MTMR7: variants seen among roughly 807,000 people sequenced by gnomAD.
MTMR7 encodes the protein myotubularin related protein 7, also known as phosphatidylinositol-3-phosphate phosphatase MTMR7.
MTMR7 carries 76 observed loss-of-function variants against 81.2 expected under a neutral mutation model. The ratio of observed to expected loss-of-function variants is 0.94; its 90% CI spans 0.78 to 1.13. MTMR7 has a LOEUF of 1.13. MTMR7 is among the 50% of genes most tolerant of loss of function. The pLI, the probability that MTMR7 is intolerant of heterozygous loss-of-function variation, is 0.00. For missense variants in MTMR7, 1,044 were observed against 820.0 expected (o/e 1.27, Z -3.34); for synonymous variants, 372 against 289.8 (o/e 1.28, Z -2.88).
intron 3 of MTMR7, 70 bp downstream of exon 3, chr8:17,370,966 CA>C (rs1820399803): frequency 1.0e-5 from 15 of 1,500,416 alleles, no homozygotes; most frequent in Non-Finnish European, 1.3e-5. Flanking sequence ...AAGCACCATA[CA>C]AATTCTTGAA....
At chr8:17,377,192 G>C (rs1229839116) in intron 1 of MTMR7, among the ~76,000 whole-genome samples, 1 of 152,002 alleles carries the variant, frequency 6.6e-6, no homozygotes, top group African/African-American at 2.4e-5. Context: ...GTATTTATTA[G>C]TTGAAACAAG....
intron 5 of MTMR7, among the ~76,000 whole-genome samples, chr8:17,347,742 G>C (rs1012046559): frequency 6.6e-6 from 1 of 152,054 alleles, no homozygotes; most frequent in African/African-American, 2.4e-5. Context: ...CCTATCCTCC[G>C]CAGAAATGGA....
Position 17,371,202 on chromosome 8 carries a change from A to G in MTMR7, c.148-3T>C. 1 of 1,613,880 alleles carries G rather than the reference A, an allele frequency of 6.2e-7. No individual in the cohort carries two copies. The highest frequency in any genetic ancestry group is 1.7e-5 in the Admixed American group (1 of 60,016). On this transcript the variant is annotated splice_polypyrimidine_tract_variant and splice_region_variant and intron_variant, in intron 2 of 13. Transcript: ENST00000180173. ...GTGGAAATCTGACTGTGAAGAATCTAGAACCAAATGTTAATGTGCATAAGC... is the reference window on the plus strand; with the variant it reads ...GTGGAAATCTGACTGTGAAGAATCTGGAACCAAATGTTAATGTGCATAAGC...
intron 1 of MTMR7, among the ~76,000 whole-genome samples, chr8:17,378,729 C>G (rs767906770): frequency 1.3e-5 from 2 of 152,146 alleles, no homozygotes; most frequent in Non-Finnish European, 2.9e-5. Flanking sequence ...TTTTTACATT[C>G]TGGTATTTCT....
chr8:17,400,767 A>G (rs111436040), intron 1 of MTMR7, among the ~76,000 whole-genome samples: 98 of 150,148 alleles, frequency 6.5e-4, no homozygotes, highest in African/African-American at 2.3e-3. Flanking sequence ...GGCTGATAAG[A>G]TAAGTTTGCT....
At chr8:17,365,644 T>C (rs181534800) in intron 3 of MTMR7, among the ~76,000 whole-genome samples, 233 of 152,224 alleles carry the variant, frequency 1.5e-3, no homozygotes, top group Middle Eastern at 6.8e-3. Flanking sequence ...GCTCCTCCAA[T>C]AAGAAGCAAA....
intron 1 of MTMR7, among the ~76,000 whole-genome samples, chr8:17,397,278 C>G (rs568097340): frequency 6.6e-6 from 1 of 152,250 alleles, no homozygotes; most frequent in Non-Finnish European, 1.5e-5. Context: ...CTTGGGGTCC[C>G]TGATTCCAGG....
Position 17,309,346 on chromosome 8 carries a change from A to T in MTMR7, c.1102-20T>A, listed in dbSNP as rs1281669971. The T allele has an allele frequency of 1.3e-6, 2 of 1,516,200 alleles. No homozygotes were observed. The highest frequency in any genetic ancestry group is 1.8e-6 in the Non-Finnish European group (2 of 1,096,096). The allele number at this position is 1,516,200 out of a possible 1,614,324, so 93.9% of individuals were successfully genotyped here. On this transcript the variant is annotated intron_variant, in intron 9 of 13. Transcript: ENST00000180173. ...TAATACCTACACAAGAAAGAATACA[A>T]ATATCTTGGAGAGAAGCAAACGAAA...
intron 12 of MTMR7, among the ~76,000 whole-genome samples, chr8:17,302,628 C>T (rs995492682): frequency 2.9e-5 from 4 of 135,704 alleles, no homozygotes; most frequent in Non-Finnish European, 6.2e-5. Context: ...CTTTCAGCTA[C>T]AAAGGGAATC....
chr8:17,361,074 C>A (rs769403507), intron 4 of MTMR7, 43 bp downstream of exon 4: 1 of 1,609,056 alleles, frequency 6.2e-7, no homozygotes, highest in African/African-American at 1.3e-5. Context: ...TGGCTGAAAC[C>A]CTAATTTCAT....
chr8:17,306,332 T>C (rs964294778), intron 10 of MTMR7, among the ~76,000 whole-genome samples: 6 of 152,062 alleles, frequency 3.9e-5, no homozygotes, highest in Admixed American at 2.0e-4. Flanking sequence ...CAGACAACTT[T>C]AAGGCTCTTC....
chr8:17,320,057 T>C (rs1484476629), intron 7 of MTMR7, among the ~76,000 whole-genome samples: 1 of 152,172 alleles, frequency 6.6e-6, no homozygotes, highest in Non-Finnish European at 1.5e-5. Flanking sequence ...TTACTAGCTT[T>C]TTATACTGAT....
intron 1 of MTMR7, among the ~76,000 whole-genome samples, chr8:17,378,002 C>T (rs1820640360): frequency 1.3e-5 from 2 of 152,080 alleles, no homozygotes; most frequent in Admixed American, 6.5e-5. Context: ...ATTCTCCCTA[C>T]AGAAGTAGAG....
At chr8:17,367,688 G>C (rs536071414) in intron 3 of MTMR7, among the ~76,000 whole-genome samples, 2 of 152,112 alleles carry the variant, frequency 1.3e-5, no homozygotes, top group Admixed American at 6.5e-5. Flanking sequence ...ACTCAGTAAA[G>C]AGATAATCTC....
intron 7 of MTMR7, among the ~76,000 whole-genome samples, chr8:17,329,477 G>C (rs1214049801): frequency 6.6e-6 from 1 of 152,148 alleles, no homozygotes; most frequent in Non-Finnish European, 1.5e-5. Context: ...AGTAGTGTCA[G>C]ACCACAGGCA....
chr8:17,359,013 C>T (rs66907546), intron 4 of MTMR7, among the ~76,000 whole-genome samples: 27,705 of 152,002 alleles, frequency 0.18, 3,204 homozygotes, highest in African/African-American at 0.32. Flanking sequence ...CCAGCCTCGA[C>T]CTCCCAAGCA....
chr8:17,300,211 A>AT lies in MTMR7; in HGVS notation c.1633dup (p.Ile545AsnfsTer10), dbSNP rs765833649. The AT allele has an allele frequency of 3.7e-6, 6 of 1,602,088 alleles. No individual in the cohort carries two copies. ...AGTGCAATTTAACTGGACCTTTTGA[A>AT]TTTTTTCCAGCCTCTAAGAAAGAAA... On this transcript the variant is annotated frameshift_variant, in exon 14 of 14. Transcript: ENST00000180173. LOFTEE classifies it high-confidence loss of function.
intron 7 of MTMR7, among the ~76,000 whole-genome samples, chr8:17,315,281 C>G (rs1005344303): frequency 1.3e-5 from 2 of 151,964 alleles, no homozygotes; most frequent in African/African-American, 4.8e-5. Flanking sequence ...ATATGACCTC[C>G]TAGAAAAGGC....
At chr8:17,402,010 C>T (rs1440039330) in intron 1 of MTMR7, among the ~76,000 whole-genome samples, 1 of 152,098 alleles carries the variant, frequency 6.6e-6, no homozygotes, top group Non-Finnish European at 1.5e-5. Context: ...TTACAAAGGT[C>T]TCAAATTCTT....
Sources: gnomAD v4.1 joint callset for allele counts (sites outside exome capture counted in the v4.1 genomes callset) on GRCh38, gnomAD v4.1.1 for gene constraint, MANE v1.5 for transcripts, NCBI Gene and HGNC (gene_info 2026-07-23, HGNC 2026-07-21) for gene names.